Variants in PINK1 observed in about 807,000 individuals in gnomAD.
PINK1 encodes serine/threonine-protein kinase PINK1, mitochondrial.
PINK1 carries 58 observed loss-of-function variants against 56.0 expected under a neutral mutation model. The observed-to-expected ratio is 1.04, with a 90% CI of 0.84 to 1.29. The LOEUF is 1.29. Ranked by LOEUF, PINK1 falls within the 50% of genes most tolerant of loss-of-function variation. The pLI, the probability that PINK1 is intolerant of heterozygous loss-of-function variation, is 0.00. For synonymous variants in PINK1, 354 were observed against 339.3 expected (o/e 1.04, Z -0.48); for missense variants, 745 against 777.9 (o/e 0.96, Z 0.50).
chr1:20,648,706 C>G, intron 6 of PINK1, 74 bp downstream of exon 6: 1 of 1,590,468 alleles, frequency 6.3e-7, no homozygotes, highest in Non-Finnish European at 8.5e-7. Context: ...AGACTCGATG[C>G]CTTGTGATAA....
At chr1:20,639,272 A>G (rs1278317522) in intron 2 of PINK1, 1 of 169,024 alleles carries the variant, frequency 5.9e-6, no homozygotes, top group East Asian at 1.5e-4. Context: ...CAGTCTTAGC[A>G]TCAAAACATG....
At chr1:20,635,849 AAAAAAAATAAAAAAT>A (rs1009498299) in intron 1 of PINK1, among the ~76,000 whole-genome samples, 4 of 105,094 alleles carry the variant, frequency 3.8e-5, no homozygotes, top group East Asian at 2.4e-4. Flanking sequence ...ACTCCGTCTC[AAAAAAAATAAAAAAT>A]AAAAAAATAA....
intron 2 of PINK1, chr1:20,638,604 T>C: frequency 4.2e-6 from 1 of 237,034 alleles, no homozygotes; most frequent in East Asian, 1.1e-4. Context: ...ATTGTGGCAC[T>C]GCACTCCAGC....
intron 1 of PINK1, among the ~76,000 whole-genome samples, chr1:20,635,063 T>A (rs1164697249): frequency 1.3e-5 from 2 of 152,192 alleles, no homozygotes; most frequent in African/African-American, 4.8e-5. Flanking sequence ...GATGGGAAAT[T>A]TGACTAATCC....
chr1:20,634,165 T>C (rs2053030328), intron 1 of PINK1, among the ~76,000 whole-genome samples: 6 of 152,260 alleles, frequency 3.9e-5, no homozygotes. Flanking sequence ...GAAGACATGT[T>C]GCCGATTACA....
In PINK1 at chr1:20,644,604, T is replaced by C. The variant is rs745996363; in HGVS notation, c.891T>C (p.Asp297=). ...CAGGGGCCCTGGTCGACTACCCTGA[T>C]GTGCTGCCCTCACGCCTCCACCCTG... ...LLPGALVDYP[D]VLPSRLHPEG... Residue 297 remains aspartate (D), a synonymous_variant, in exon 4 of 8, where the codon GAT becomes GAC. Coordinates refer to ENST00000321556, the MANE Select transcript of PINK1 (RefSeq NM_032409.3). 4.3e-6 allele frequency: 7 copies of C among 1,614,236 alleles called. No individual in the cohort carries two copies. Among genetic ancestry groups the C allele is most frequent in the African/African-American group, 1.3e-5 (1 of 75,066 alleles).
At chr1:20,633,966 A>C (rs747462269) in intron 1 of PINK1, 31 bp downstream of exon 1, 36 of 1,293,402 alleles carry the variant, frequency 2.8e-5, no homozygotes, top group Non-Finnish European at 3.5e-5. Flanking sequence ...AGCCGAGCGG[A>C]GGACGGAGCT....
intron 5 of PINK1, among the ~76,000 whole-genome samples, chr1:20,646,643 A>AACAT (rs1553146640): frequency 7.6e-6 from 1 of 131,434 alleles, no homozygotes; most frequent in Admixed American, 8.0e-5. Flanking sequence ...AGTCCATCTC[A>AACAT]AAATAAATTA....
chr1:20,637,552 A>C (rs2053068555), intron 1 of PINK1, among the ~76,000 whole-genome samples: 2 of 152,210 alleles, frequency 1.3e-5, no homozygotes, highest in Admixed American at 1.3e-4. Context: ...TGAAGGCAGC[A>C]AGGAGAGGTG....
intron 2 of PINK1, 59 bp from the exon 3 acceptor site, chr1:20,639,833 A>G: frequency 6.6e-7 from 1 of 1,511,506 alleles, no homozygotes; most frequent in Non-Finnish European, 9.0e-7. Flanking sequence ...CAGGGCTTAC[A>G]AGGAACTTAC....
rs2053092302 is a variant in PINK1, at chr1:20,639,495, T to G, written c.676-397T>G. ...TGATTCAGTACAACTTCACCCAGGG[T>G]GGAGCATGTCAGGCTCTGGCCTGGC... On this transcript the variant is annotated intron_variant, in intron 2 of 7. Transcript: ENST00000321556. 10 of 319,676 alleles carry G rather than the reference T, an allele frequency of 3.1e-5. No homozygotes were observed. The Admixed American group carries it at 4.0e-4, about 13-fold the overall frequency. The allele number at this position is 319,676 out of a possible 1,614,324, so 19.8% of individuals were successfully genotyped here. A position where few individuals can be genotyped will look rare whatever the true frequency, so the allele number is the denominator to read the frequency against.
intron 3 of PINK1, among the ~76,000 whole-genome samples, chr1:20,642,297 T>C (rs1204030360): frequency 1.3e-5 from 2 of 152,114 alleles, no homozygotes; most frequent in Non-Finnish European, 2.9e-5. Context: ...CTATTGTGAG[T>C]CGACTCATAT....
At chr1:20,635,414 T>C (rs148645028) in intron 1 of PINK1, among the ~76,000 whole-genome samples, 1,585 of 152,118 alleles carry the variant, frequency 0.01, 19 homozygotes, top group Non-Finnish European at 0.017. Flanking sequence ...GGCAGGAGAA[T>C]TCCTTGAACC....
At chr1:20,634,040 C>G in intron 1 of PINK1, 105 bp downstream of exon 1, 6 of 1,383,878 alleles carry the variant, frequency 4.3e-6, no homozygotes, top group Non-Finnish European at 5.9e-6. Context: ...GGGCTCTGAG[C>G]AGATCGAGGG....
chr1:20,645,493 A>AG (rs749513325), intron 4 of PINK1, 67 bp from the exon 5 acceptor site: 319 of 1,475,964 alleles, frequency 2.2e-4, no homozygotes, highest in Admixed American at 4.0e-4. Context: ...ATCTCAAAAA[A>AG]AAAAAAAAAA....
chr1:20,644,333 C>A (rs557247959), intron 3 of PINK1, among the ~76,000 whole-genome samples, 157 bp from the exon 4 acceptor site: 4 of 152,184 alleles, frequency 2.6e-5, no homozygotes, highest in Admixed American at 6.5e-5. Flanking sequence ...TTCTCCAACA[C>A]CATGTACAGT....
rs1006830855 is a variant in PINK1 at position 20,633,649 on chromosome 1, C to G, written c.101C>G (p.Pro34Arg). 2.9e-5 allele frequency: 39 copies of G among 1,331,438 alleles called. No homozygotes were observed. The highest frequency in any genetic ancestry group is 4.2e-5 in the Admixed American group (1 of 23,940). The allele number at this position is 1,331,438 out of a possible 1,614,324, so 82.5% of individuals were successfully genotyped here. The part of the protein sequence containing the change: ...KPGRAYGLGR[P>R]GPAAGCVRGE... ...GGCCGGGCCTACGGCTTGGGGCGGC[C>G]GGGCCCGGCGGCGGGCTGTGTCCGC... Residue 34 changes from proline (P) to arginine (R), a missense_variant, in exon 1 of 8, where the codon CCG (proline) becomes CGG (arginine). By Grantham distance (103) the Pro-to-Arg change is moderately radical. Transcript: ENST00000321556.
At chr1:20,644,859 A>G (rs1235990651) in intron 4 of PINK1, among the ~76,000 whole-genome samples, 187 bp downstream of exon 4, 2 of 152,200 alleles carry the variant, frequency 1.3e-5, no homozygotes, top group East Asian at 3.9e-4. Flanking sequence ...ACGATTTTTC[A>G]TGGAAACAAA....
At chr1:20,648,314 C>T (rs970114762) in intron 5 of PINK1, 191 bp from the exon 6 acceptor site, 8 of 720,500 alleles carry the variant, frequency 1.1e-5, no homozygotes, top group Middle Eastern at 7.4e-4. Flanking sequence ...CCTGTACTTA[C>T]TGGAGGCATT....
Sources: allele counts gnomAD v4.1 joint callset (sites outside exome capture counted in the v4.1 genomes callset), GRCh38; gene constraint gnomAD v4.1.1; transcripts MANE v1.5; gene names NCBI Gene and HGNC (gene_info 2026-07-23, HGNC 2026-07-21).